Variants in CTNNA2 observed in about 807,000 individuals in gnomAD.
CTNNA2 encodes the protein catenin alpha-2.
Under a neutral mutation model 101.0 loss-of-function variants are expected in CTNNA2, and 42 were observed. The ratio of observed to expected loss-of-function variants is 0.42; its 90% CI spans 0.32 to 0.54. The LOEUF (loss-of-function observed/expected upper bound fraction) is 0.54. CTNNA2 is among the 20% of genes least tolerant of loss of function. The pLI, the probability that CTNNA2 is intolerant of heterozygous loss-of-function variation, is 0.14. For synonymous variants in CTNNA2, 450 were observed against 456.4 expected (o/e 0.99, Z 0.18); for missense variants, 871 against 1,223.1 (o/e 0.71, Z 4.29).
chr2:79,602,767 T>C (rs1677629937), intron 1 of CTNNA2, among the ~76,000 whole-genome samples: 3 of 152,088 alleles, frequency 2.0e-5, no homozygotes, highest in Admixed American at 6.5e-5. Context: ...TCATAAGACC[T>C]TCATGAAAAA....
At chr2:79,771,035 A>G (rs1425676071) in intron 3 of CTNNA2, among the ~76,000 whole-genome samples, 3 of 152,378 alleles carry the variant, frequency 2.0e-5, no homozygotes, top group East Asian at 3.9e-4. Flanking sequence ...TTCTAATCAC[A>G]GCCTATTTTT....
intron 1 of CTNNA2, among the ~76,000 whole-genome samples, chr2:79,518,539 C>G (rs1402359759): frequency 1.3e-5 from 2 of 152,152 alleles, no homozygotes; most frequent in Non-Finnish European, 2.9e-5. Flanking sequence ...AAACCATGGA[C>G]TCTTGATGGA....
intron 2 of CTNNA2, among the ~76,000 whole-genome samples, chr2:79,735,525 A>G (rs914668428): frequency 3.3e-5 from 5 of 152,156 alleles, no homozygotes; most frequent in Non-Finnish European, 7.4e-5. Flanking sequence ...ACCCAATCAT[A>G]GATATTTATT....
At chr2:80,602,325 C>T (rs1324451008) in intron 15 of CTNNA2, among the ~76,000 whole-genome samples, 4 of 151,978 alleles carry the variant, frequency 2.6e-5, no homozygotes, top group Non-Finnish European at 5.9e-5. Flanking sequence ...TCTATATAGA[C>T]ATTCTTCATT....
At chr2:79,248,940 A>G (rs1165865112) in intron 2 of CTNNA2, among the ~76,000 whole-genome samples, 1 of 152,182 alleles carries the variant, frequency 6.6e-6, no homozygotes, top group Non-Finnish European at 1.5e-5. Flanking sequence ...GTTTTTCAAC[A>G]CAGAGTTACT....
rs532178430 is a variant in CTNNA2, at chr2:79,344,525, G to T, written c.-317-29306G>T. Among the ~76,000 whole-genome samples, 5 of 152,024 alleles carry T rather than the reference G, an allele frequency of 3.3e-5. 1 individual carries two copies. The South Asian group carries it at 6.2e-4, about 19-fold the overall frequency. ...ATTGAAGAATTAATGAAACGCAATAGCCTCCTACCAAATGAGGTTCTTATG... is the reference window on the plus strand; with the variant it reads ...ATTGAAGAATTAATGAAACGCAATATCCTCCTACCAAATGAGGTTCTTATG... On this transcript the variant is annotated intron_variant, in intron 3 of 21. Coordinates refer to the CTNNA2 transcript ENST00000466387.
chr2:79,715,037 C>CAAAA, intron 2 of CTNNA2, among the ~76,000 whole-genome samples: 1 of 97,134 alleles, frequency 1.0e-5, no homozygotes, highest in African/African-American at 3.7e-5. Flanking sequence ...CTAAAAATAC[C>CAAAA]AAAAAAAAAA....
At chr2:79,723,366 T>C (rs527629813) in intron 2 of CTNNA2, among the ~76,000 whole-genome samples, 1 of 152,352 alleles carries the variant, frequency 6.6e-6, no homozygotes, top group Non-Finnish European at 1.5e-5. Context: ...GTAAATTGCT[T>C]TTCCCTACTG....
At chr2:80,090,773 A>T (rs1699745844) in intron 7 of CTNNA2, among the ~76,000 whole-genome samples, 1 of 152,114 alleles carries the variant, frequency 6.6e-6, no homozygotes, top group Non-Finnish European at 1.5e-5. Flanking sequence ...GCATGAGTAT[A>T]GTAGAGGTAA....
intron 15 of CTNNA2, among the ~76,000 whole-genome samples, chr2:80,594,079 C>T (rs1281872755): frequency 6.6e-6 from 1 of 152,136 alleles, no homozygotes; most frequent in African/African-American, 2.4e-5. Context: ...CACCATTTTA[C>T]ATTCCCACCA....
In CTNNA2 at chr2:80,494,784, T is replaced by G. The variant is rs564607026; in HGVS notation, c.1291-50198T>G. ...ATGACTCATAGAATAAAAGTAAGTA[T>G]GTGTTAAAAATCTTACTTAACTCAT... On this transcript the variant is annotated intron_variant, in intron 9 of 18. Transcript: ENST00000402739. Among the ~76,000 whole-genome samples, 183 of 152,296 alleles carry G rather than the reference T, an allele frequency of 1.2e-3. 2 individuals carry two copies. Among genetic ancestry groups the G allele is most frequent in the African/African-American group, 4.1e-3 (171 of 41,558 alleles).
chr2:80,176,556 T>A (rs951495199), intron 7 of CTNNA2, among the ~76,000 whole-genome samples: 3 of 152,046 alleles, frequency 2.0e-5, no homozygotes, highest in Admixed American at 2.0e-4. Context: ...CAGGTCGTGG[T>A]TTTTTTACCT....
At chr2:79,336,069 G>T (rs1019074797) in intron 3 of CTNNA2, among the ~76,000 whole-genome samples, 1 of 152,208 alleles carries the variant, frequency 6.6e-6, no homozygotes, top group Non-Finnish European at 1.5e-5. Flanking sequence ...AGAGAAAAAT[G>T]AGCAAACTAT....
chr2:80,593,246 C>A (rs966445337), intron 15 of CTNNA2, among the ~76,000 whole-genome samples: 2 of 152,122 alleles, frequency 1.3e-5, no homozygotes, highest in South Asian at 4.1e-4. Context: ...TGGGGAGATA[C>A]AACCAACGTG....
At chr2:79,750,090 A>T (rs1047703525) in intron 3 of CTNNA2, among the ~76,000 whole-genome samples, 10 of 152,176 alleles carry the variant, frequency 6.6e-5, no homozygotes, top group Non-Finnish European at 1.5e-4. Flanking sequence ...TGAACCATTC[A>T]CAGAAAAGCT....
At chr2:79,796,840 T>C (rs570300736) in intron 3 of CTNNA2, among the ~76,000 whole-genome samples, 4 of 152,200 alleles carry the variant, frequency 2.6e-5, no homozygotes, top group Non-Finnish European at 5.9e-5. Flanking sequence ...GTCTTTATTA[T>C]GCATTCCTGC....
At chr2:80,595,403 A>C (rs1696868660) in intron 15 of CTNNA2, among the ~76,000 whole-genome samples, 1 of 152,138 alleles carries the variant, frequency 6.6e-6, no homozygotes, top group African/African-American at 2.4e-5. Context: ...ATGTAAGATC[A>C]TGTCACCTGT....
chr2:80,402,835 A>G (rs992238679), intron 8 of CTNNA2, among the ~76,000 whole-genome samples: 7 of 149,308 alleles, frequency 4.7e-5, no homozygotes. Flanking sequence ...TATATTTCTT[A>G]TTATTTCACA....
chr2:79,778,528 G>C (rs538561597), intron 3 of CTNNA2, among the ~76,000 whole-genome samples: 4 of 151,514 alleles, frequency 2.6e-5, no homozygotes, highest in South Asian at 4.1e-4. Flanking sequence ...CATGATGACT[G>C]TATATATGGG....
Sources: allele counts gnomAD v4.1 joint callset (sites outside exome capture counted in the v4.1 genomes callset), GRCh38; gene constraint gnomAD v4.1.1; transcripts MANE v1.5; gene names NCBI Gene and HGNC (gene_info 2026-07-23, HGNC 2026-07-21).